Variants in ADAMTS6 observed in about 807,000 individuals in gnomAD.
ADAMTS6 encodes the protein A disintegrin and metalloproteinase with thrombospondin motifs 6.
A neutral mutation model predicts 144.3 loss-of-function variants in ADAMTS6; 23 were observed. The ratio of observed to expected loss-of-function variants is 0.16; its 90% confidence interval spans 0.11 to 0.23. The LOEUF (loss-of-function observed/expected upper bound fraction) is 0.23, where lower values mean the gene tolerates loss of function less well. Among genes scored for constraint, ADAMTS6 ranks in the 10% least tolerant of loss-of-function variants. The pLI, the probability that ADAMTS6 is intolerant of heterozygous loss-of-function variation, is 1.00. For synonymous variants in ADAMTS6, 444 were observed against 457.5 expected, an observed-to-expected ratio of 0.97 and a Z score of 0.38; for missense variants, 999 against 1,379.6, an observed-to-expected ratio of 0.72 and a Z score of 4.37.
chr5:65,320,025 T>C (rs112173753), intron 9 of ADAMTS6, among the ~76,000 whole-genome samples: 1 of 152,230 alleles, frequency 6.6e-6, no homozygotes, highest in Non-Finnish European at 1.5e-5. Context: ...GTATTTTTAG[T>C]AGAGACGGGG....
At chr5:65,156,299 A>T (rs1039083604) in intron 24 of ADAMTS6, among the ~76,000 whole-genome samples, 3 of 149,104 alleles carry the variant, frequency 2.0e-5, no homozygotes, top group East Asian at 1.9e-4. Flanking sequence ...ACTATTGTTT[A>T]AAAAAAACAC....
intron 24 of ADAMTS6, among the ~76,000 whole-genome samples, chr5:65,163,282 G>C (rs1752902195): frequency 6.6e-6 from 1 of 152,020 alleles, no homozygotes; most frequent in African/African-American, 2.4e-5. Flanking sequence ...GTTTGTTATG[G>C]ATTTTGAGCC....
intron 7 of ADAMTS6, among the ~76,000 whole-genome samples, chr5:65,404,923 G>A (rs954389842): frequency 6.6e-6 from 1 of 152,076 alleles, no homozygotes; most frequent in Admixed American, 6.6e-5. Context: ...TCACGTGTCT[G>A]TTGGCTGCAT....
At chr5:65,299,936 G>A (rs1743197751) in intron 10 of ADAMTS6, 49 bp downstream of exon 10, 1 of 1,576,316 alleles carries the variant, frequency 6.3e-7, no homozygotes, top group African/African-American at 1.4e-5. Context: ...GCTTCTACCA[G>A]TGGCTTACTT....
chr5:65,181,576 A>G (rs1011382289), intron 22 of ADAMTS6, among the ~76,000 whole-genome samples: 1 of 152,228 alleles, frequency 6.6e-6, no homozygotes, highest in African/African-American at 2.4e-5. Context: ...CAAATGGTAA[A>G]GCTGGAACTA....
chr5:65,247,414 A>G (rs1282542759), intron 14 of ADAMTS6, among the ~76,000 whole-genome samples: 4 of 152,172 alleles, frequency 2.6e-5, no homozygotes, highest in African/African-American at 9.7e-5. Context: ...TTCTGCTTAC[A>G]AACTTTTTAG....
At chr5:65,351,921 T>C (rs1015482365) in intron 7 of ADAMTS6, among the ~76,000 whole-genome samples, 2 of 152,204 alleles carry the variant, frequency 1.3e-5, no homozygotes, top group African/African-American at 2.4e-5. Context: ...AACATGGAAG[T>C]ACACATAGCC....
intron 7 of ADAMTS6, among the ~76,000 whole-genome samples, chr5:65,404,967 C>G (rs934323360): frequency 2.0e-5 from 3 of 152,148 alleles, no homozygotes; most frequent in Non-Finnish European, 4.4e-5. Flanking sequence ...CTGTTCATAT[C>G]CTTTGCCCAC....
intron 11 of ADAMTS6, among the ~76,000 whole-genome samples, chr5:65,290,473 C>T (rs532025723): frequency 2.0e-5 from 3 of 152,114 alleles, no homozygotes; most frequent in South Asian, 4.1e-4. Context: ...ATTGCTTGAA[C>T]CCAGGAGACA....
At position 65,451,640 on chromosome 5, in the gene ADAMTS6, C is replaced by A. The variant is rs1254345459; in HGVS notation, c.928-20G>T. 6.2e-7 allele frequency: 1 copy of A among 1,609,664 alleles called. No individual in the cohort carries two copies. ...GTTTGGCTGCAATACAACATGCATACCAGAAATGTTCCAAACAAATTACTA... is the reference window on the plus strand; with the variant it reads ...GTTTGGCTGCAATACAACATGCATAACAGAAATGTTCCAAACAAATTACTA... On this transcript the variant is annotated intron_variant, in intron 6 of 24. Transcript: ENST00000381055.
intron 7 of ADAMTS6, among the ~76,000 whole-genome samples, chr5:65,398,873 AAAG>A (rs1484850785): frequency 6.6e-6 from 1 of 151,726 alleles, no homozygotes; most frequent in African/African-American, 2.4e-5. Context: ...AGAAAGAAAG[AAAG>A]AAAAAGAAGC....
chr5:65,269,796 T>G (rs1225909348), intron 12 of ADAMTS6, among the ~76,000 whole-genome samples: 2 of 150,834 alleles, frequency 1.3e-5, no homozygotes, highest in Non-Finnish European at 1.5e-5. Context: ...AGTACTTTTT[T>G]TTTTTTTTTT....
chr5:65,380,002 G>T (rs1438987983), intron 7 of ADAMTS6, among the ~76,000 whole-genome samples: 1 of 151,896 alleles, frequency 6.6e-6, no homozygotes, highest in East Asian at 1.9e-4. Flanking sequence ...ACTGACTCAT[G>T]ACGACTGATT....
chr5:65,409,760 C>A (rs1754893666), intron 7 of ADAMTS6, among the ~76,000 whole-genome samples: 1 of 152,184 alleles, frequency 6.6e-6, no homozygotes, highest in African/African-American at 2.4e-5. Context: ...AAAATACTGG[C>A]AAACTGAATC....
At chr5:65,353,309 G>A (rs1741030218) in intron 7 of ADAMTS6, among the ~76,000 whole-genome samples, 2 of 151,986 alleles carry the variant, frequency 1.3e-5, no homozygotes, top group South Asian at 4.1e-4. Flanking sequence ...TTCAATCTAT[G>A]ATGAGCAAAC....
intron 9 of ADAMTS6, among the ~76,000 whole-genome samples, chr5:65,309,591 T>C (rs937041180): frequency 6.8e-6 from 1 of 147,204 alleles, no homozygotes; most frequent in Admixed American, 6.8e-5. Flanking sequence ...CCTGTTATAA[T>C]ACACACACAC....
intron 3 of ADAMTS6, among the ~76,000 whole-genome samples, chr5:65,469,310 C>G (rs72760596): frequency 6.6e-6 from 1 of 152,114 alleles, no homozygotes; most frequent in Non-Finnish European, 1.5e-5. Flanking sequence ...TCTACAATCA[C>G]TCTTCTCTCA....
intron 1 of ADAMTS6, 94 bp downstream of exon 1, chr5:65,481,249 A>T (rs1761181913): frequency 6.6e-6 from 1 of 151,458 alleles, no homozygotes; most frequent in African/African-American, 2.4e-5. Flanking sequence ...ACACAGAAAA[A>T]AAGTTTTCTA....
At position 65,405,653 on chromosome 5, in the gene ADAMTS6, T is replaced by C. The variant is rs918390806; in HGVS notation, c.1073+45822A>G. On this transcript the variant is annotated intron_variant, in intron 7 of 24. Coordinates refer to ENST00000381055, the MANE Select transcript of ADAMTS6 (RefSeq NM_197941.4). ...GGCTCTTTTTTGGTTCCATATGAAC[T>C]TTAAAGTAGTTTTTTCCAATTCTTT... Among the ~76,000 whole-genome samples, 3 of 152,330 alleles carry C rather than the reference T, an allele frequency of 2.0e-5. No individual in the cohort carries two copies. The East Asian group carries it at 5.8e-4, about 29-fold the overall frequency.
Sources: gnomAD v4.1 joint callset for allele counts (sites outside exome capture counted in the v4.1 genomes callset) on GRCh38, gnomAD v4.1.1 for gene constraint, MANE v1.5 for transcripts, NCBI Gene and HGNC (gene_info 2026-07-23, HGNC 2026-07-21) for gene names.